SLC2A4RG: variants seen among roughly 807,000 people sequenced by gnomAD.
The protein encoded by SLC2A4RG is GLUT4 enhancer factor.
A neutral mutation model predicts 35.5 loss-of-function variants in SLC2A4RG; 23 were observed. That is an observed-to-expected ratio of 0.65 (90% CI 0.47 to 0.92). The LOEUF is 0.92. Among genes scored for constraint, SLC2A4RG ranks in the 40% least tolerant of loss-of-function variants. The probability of loss-of-function intolerance (pLI) is 0.00; values close to 1 mark genes in which losing one functional copy is unlikely to be tolerated. For missense variants in SLC2A4RG, 539 were observed against 525.0 expected (o/e 1.03, Z -0.26); for synonymous variants, 306 against 243.7 (o/e 1.26, Z -2.38).
intron 2 of SLC2A4RG, 127 bp from the exon 3 acceptor site, chr20:63,741,243 C>T (rs2092039917): frequency 2.4e-6 from 2 of 836,742 alleles, no homozygotes; most frequent in South Asian, 1.6e-5. Context: ...AGGAGCCAGG[C>T]CTCATGCCCA....
chr20:63,739,920 G>A lies in SLC2A4RG; in HGVS notation c.8G>A (p.Arg3His). 3.1e-6 allele frequency: 3 copies of A among 977,756 alleles called. No individual in the cohort carries two copies. Among genetic ancestry groups the A allele is most frequent in the Non-Finnish European group, 3.6e-6 (3 of 826,962 alleles). 60.6% of individuals were successfully genotyped at this position (977,756 alleles called of 1,614,324 possible). A position where few individuals can be genotyped will look rare whatever the true frequency, so the allele number is the denominator to read the frequency against. MERPPPRAAGRDP... is the reference protein window; with the variant it reads MEHPPPRAAGRDP... ...GCGCCCGGCCGGCCGGCCATGGAGC[G>A]CCCCCCGCCCCGCGCCGCCGGCCGG... is the stretch of plus-strand genomic sequence containing the variant. The change falls in exon 1 of 8, where the codon CGC becomes CAC. Residue 3 changes from arginine (R) to histidine (H), a missense_variant. Transcript: ENST00000266077.
At chr20:63,740,320 G>C (rs1236574492) in intron 1 of SLC2A4RG, 57 bp from the exon 2 acceptor site, 2 of 1,125,702 alleles carry the variant, frequency 1.8e-6, no homozygotes, top group African/African-American at 3.2e-5. Context: ...CGGAGGTTGA[G>C]GGACCCCCCT....
Position 63,740,008 on chromosome 20 carries a change from C to G in SLC2A4RG, c.96C>G (p.Ala32=). ...GCGCGGAGGGTCCGGGGCCGCGCGC[C>G]GCGCCCGTGACGGTGCCCACGCCGC... is the stretch of plus-strand genomic sequence containing the variant. ...WLRAEGPGPR[A]APVTVPTPPQ... The change falls in exon 1 of 8, where the codon GCC becomes GCG. Residue 32 remains alanine, a synonymous_variant. Coordinates refer to ENST00000266077, the MANE Select transcript of SLC2A4RG (RefSeq NM_020062.4). 5 of 981,050 alleles carry G rather than the reference C, an allele frequency of 5.1e-6. No individual in the cohort carries two copies. The highest frequency in any genetic ancestry group is 6.0e-6 in the Non-Finnish European group (5 of 828,452). 60.8% of individuals were successfully genotyped at this position (981,050 alleles called of 1,614,324 possible).
chr20:63,742,610 T>A lies in SLC2A4RG; in HGVS notation c.955T>A (p.Tyr319Asn). ...NPQSCHSDRV[Y>N]QGCLTPARLE... ...CCAGTCCTGTCACAGTGACCGTGTC[T>A]ACCAGGTGGGTGAGGCCACGGGTGG... is the stretch of plus-strand genomic sequence containing the variant. Residue 319 changes from tyrosine (Y) to asparagine (N), a missense_variant, in exon 6 of 8, where the codon TAC (tyrosine) becomes AAC (asparagine). Tyr to Asn is a moderately radical substitution (Grantham distance 143). Transcript: ENST00000266077. The A allele has an allele frequency of 1.3e-6, 2 of 1,576,516 alleles. No homozygotes were observed. Among genetic ancestry groups the A allele is most frequent in the South Asian group, 2.3e-5 (2 of 86,572 alleles).
intron 1 of SLC2A4RG, 66 bp from the exon 2 acceptor site, chr20:63,740,311 G>C: frequency 9.4e-7 from 1 of 1,062,744 alleles, no homozygotes; most frequent in Middle Eastern, 3.5e-4. Flanking sequence ...GATCCGCGGC[G>C]GAGGTTGAGG....
intron 3 of SLC2A4RG, 78 bp downstream of exon 3, chr20:63,741,557 G>A (rs1042864660): frequency 7.5e-7 from 1 of 1,338,738 alleles, no homozygotes; most frequent in East Asian, 2.4e-5. Flanking sequence ...CCTCTGTGGG[G>A]CAAGCAGAGC....
In SLC2A4RG at chr20:63,742,504, GC is replaced by G; in HGVS notation, c.854del (p.Pro285GlnfsTer20). On this transcript the variant is annotated frameshift_variant, in exon 6 of 8. Transcript: ENST00000266077. LOFTEE classifies it high-confidence loss of function. ...PRLELPELLE[P>X]PALPSPLRPP... Reference sequence around the variant, plus strand: ...GCCTGGAGCTGCCAGAGCTGCTGGAGCCCCCAGCCCTGCCTAGTCCCCTGCG... The same window carrying G: ...GCCTGGAGCTGCCAGAGCTGCTGGAGCCCCAGCCCTGCCTAGTCCCCTGCG... 1 of 1,567,586 alleles carries G rather than the reference GC, an allele frequency of 6.4e-7. No individual in the cohort carries two copies. Among genetic ancestry groups the G allele is most frequent in the Non-Finnish European group, 8.6e-7 (1 of 1,157,086 alleles).
intron 2 of SLC2A4RG, chr20:63,741,163 C>A: frequency 1.7e-6 from 1 of 584,756 alleles, no homozygotes; most frequent in Non-Finnish European, 3.1e-6. Context: ...ACTCAGGCTT[C>A]AGGAGACCCT....
rs999247356 is a variant in SLC2A4RG at position 63,743,891 on chromosome 20, A to G, written c.*901A>G. Reference sequence around the variant, plus strand: ...TCCCCCAATAGTAGACACATCTCCAATACAAACACAGGTTTATAATAAGTA... The same window carrying G: ...TCCCCCAATAGTAGACACATCTCCAGTACAAACACAGGTTTATAATAAGTA... On this transcript the variant is annotated 3_prime_UTR_variant, in exon 8 of 8. Coordinates refer to ENST00000266077, the MANE Select transcript of SLC2A4RG (RefSeq NM_020062.4). The G allele has an allele frequency of 2.0e-5, 3 of 152,612 alleles. No individual in the cohort carries two copies. Among genetic ancestry groups the G allele is most frequent in the Non-Finnish European group, 4.4e-5 (3 of 68,048 alleles). 9.5% of individuals were successfully genotyped at this position (152,612 alleles called of 1,614,324 possible).
In SLC2A4RG at chr20:63,741,383, A is replaced by G. The variant is rs1316448983; in HGVS notation, c.295A>G (p.Lys99Glu). 9 of 1,612,900 alleles carry G rather than the reference A, an allele frequency of 5.6e-6. No homozygotes were observed. Among genetic ancestry groups the G allele is most frequent in the East Asian group, 2.2e-5 (1 of 44,872 alleles). ...PVPAQRATPG[K>E]ARLDEVMAAA... is the part of the protein sequence containing the mutation. ...CATCTCCTCCAGAGCCACCCCAGGA[A>G]AAGCCCGGCTGGACGAGGTCATGGC... Residue 99 changes from lysine to glutamate, a missense_variant, in exon 3 of 8, where the codon AAA becomes GAA. Coordinates refer to ENST00000266077, the MANE Select transcript of SLC2A4RG (RefSeq NM_020062.4).
At position 63,739,822 on chromosome 20, in the gene SLC2A4RG, G is replaced by A. The variant is rs2092032533; in HGVS notation, c.-91G>A. On this transcript the variant is annotated 5_prime_UTR_variant, in exon 1 of 8. Transcript: ENST00000266077. ...GGGCGGCGGCCGGATCCAGGGCGGG[G>A]GTCGGCGGCCCGGCCAGCCCGGCCC... is the stretch of plus-strand genomic sequence containing the variant. 2.0e-6 allele frequency: 2 copies of A among 976,142 alleles called. No homozygotes were observed. The highest frequency in any genetic ancestry group is 6.4e-5 in the Admixed American group (1 of 15,606). The allele number at this position is 976,142 out of a possible 1,614,324, so 60.5% of individuals were successfully genotyped here. A position where few individuals can be genotyped will look rare whatever the true frequency, so the allele number is the denominator to read the frequency against.
In SLC2A4RG at chr20:63,741,910, C is replaced by G; in HGVS notation, c.433C>G (p.Pro145Ala). 1.2e-6 allele frequency: 2 copies of G among 1,611,338 alleles called. No homozygotes were observed. The highest frequency in any genetic ancestry group is 1.7e-6 in the Non-Finnish European group (2 of 1,179,400). Residue 145 changes from proline to alanine, a missense_variant, in exon 4 of 8, where the codon CCA becomes GCA. Transcript: ENST00000266077. ...EPWKEALVRP[P>A]GSYSSSSNSG... Reference sequence around the variant, plus strand: ...CTGGAAGGAGGCCCTGGTGCGGCCCCCAGGCAGCTACAGCAGCAGCAGCAA... The same window carrying G: ...CTGGAAGGAGGCCCTGGTGCGGCCCGCAGGCAGCTACAGCAGCAGCAGCAA...
At position 63,742,181 on chromosome 20, in the gene SLC2A4RG, C is replaced by G; in HGVS notation, c.631C>G (p.Leu211Val). The change falls in exon 5 of 8, where the codon CTG (leucine) becomes GTG (valine). Residue 211 changes from leucine (L) to valine (V), a missense_variant. Leu to Val is a conservative substitution (Grantham distance 32, BLOSUM62 1). Transcript: ENST00000266077. Reference protein sequence around the residue: ...QCLWKSCGKVLSTASAMQRHI... With the variant: ...QCLWKSCGKVVSTASAMQRHI... ...TCTGTGGAAGAGCTGCGGGAAGGTG[C>G]TGAGCACGGCGTCGGCGATGCAGAG... is the stretch of plus-strand genomic sequence containing the variant. 1 of 1,603,826 alleles carries G rather than the reference C, an allele frequency of 6.2e-7. No homozygotes were observed. The highest frequency in any genetic ancestry group is 8.5e-7 in the Non-Finnish European group (1 of 1,175,702).
chr20:63,743,263 G>A lies in SLC2A4RG; in HGVS notation c.*273G>A, dbSNP rs189999550. On this transcript the variant is annotated 3_prime_UTR_variant, in exon 8 of 8. Transcript: ENST00000266077. The stretch of plus-strand genomic sequence containing the variant: ...TCCCCTTAGCCCCAAGGGCCCTGGG[G>A]GCAGCCACCCTCCCGCCTGTCGGCC... 3.0e-6 allele frequency: 1 copy of A among 332,012 alleles called. No individual in the cohort carries two copies. Among genetic ancestry groups the A allele is most frequent in the Non-Finnish European group, 5.6e-6 (1 of 179,276 alleles). 20.6% of individuals were successfully genotyped at this position (332,012 alleles called of 1,614,324 possible). A position where few individuals can be genotyped will look rare whatever the true frequency, so the allele number is the denominator to read the frequency against.
chr20:63,740,503 T>C lies in SLC2A4RG; in HGVS notation c.253T>C (p.Ser85Pro). The change falls in exon 2 of 8, where the codon TCG becomes CCG. Residue 85 changes from serine (S) to proline (P), a missense_variant. Physicochemically the swap from Ser to Pro is moderately conservative, Grantham distance 74 (BLOSUM62 -1). Transcript: ENST00000266077. ...TGAAAGPRTP[S>P]AHIPVPAQRA... ...GGCGGCGGCGGGGCCCCGGACTCCG[T>C]CGGCGCACATCCCCGTCCCAGCGCA... 8.1e-7 allele frequency: 1 copy of C among 1,229,522 alleles called. No individual in the cohort carries two copies. Among genetic ancestry groups the C allele is most frequent in the Non-Finnish European group, 1.0e-6 (1 of 986,072 alleles). 76.2% of individuals were successfully genotyped at this position (1,229,522 alleles called of 1,614,324 possible). A position where few individuals can be genotyped will look rare whatever the true frequency, so the allele number is the denominator to read the frequency against.
At position 63,743,050 on chromosome 20, in the gene SLC2A4RG, G is replaced by A. The variant is rs949593139; in HGVS notation, c.*60G>A. Reference sequence around the variant, plus strand: ...CTCCCTCCCCACCCCCTCCAGGCCCGGGGCTGAAACAGCCCGAGGACAGCC... The same window carrying A: ...CTCCCTCCCCACCCCCTCCAGGCCCAGGGCTGAAACAGCCCGAGGACAGCC... On this transcript the variant is annotated 3_prime_UTR_variant, in exon 8 of 8. Coordinates refer to ENST00000266077, the MANE Select transcript of SLC2A4RG (RefSeq NM_020062.4). 15 of 1,419,232 alleles carry A rather than the reference G, an allele frequency of 1.1e-5. No homozygotes were observed. The highest frequency in any genetic ancestry group is 2.5e-5 in the East Asian group (1 of 40,104). The allele number at this position is 1,419,232 out of a possible 1,614,324, so 87.9% of individuals were successfully genotyped here.
intron 2 of SLC2A4RG, chr20:63,741,145 T>C (rs2092039484): frequency 1.8e-6 from 1 of 559,592 alleles, no homozygotes; most frequent in Admixed American, 3.1e-5. Flanking sequence ...AAGCCCGCGA[T>C]GTGGAGAACT....
Position 63,743,218 on chromosome 20 carries a change from A to G in SLC2A4RG, c.*228A>G, listed in dbSNP as rs1038729135. 3 of 490,432 alleles carry G rather than the reference A, an allele frequency of 6.1e-6. No individual in the cohort carries two copies. The highest frequency in any genetic ancestry group is 3.9e-5 in the African/African-American group (2 of 51,620). 30.4% of individuals were successfully genotyped at this position (490,432 alleles called of 1,614,324 possible). On this transcript the variant is annotated 3_prime_UTR_variant, in exon 8 of 8. Transcript: ENST00000266077. ...TCTAAAGAAACCAGCTTTTTGCACT[A>G]AAGCCAAACCACACCGCTGTCCCCT...
intron 2 of SLC2A4RG, 38 bp downstream of exon 2, chr20:63,740,569 G>A: frequency 8.1e-7 from 1 of 1,227,714 alleles, no homozygotes; most frequent in Non-Finnish European, 1.0e-6. Flanking sequence ...CTCGGTGTGC[G>A]CAGGGGCGGT....
Sources: gnomAD v4.1 joint callset for allele counts on GRCh38, gnomAD v4.1.1 for gene constraint, MANE v1.5 for transcripts, NCBI Gene and HGNC (gene_info 2026-07-23, HGNC 2026-07-21) for gene names.